Variants in NLRP7 observed in about 807,000 individuals in gnomAD.
NLRP7 encodes the protein NLR family pyrin domain containing 7.
Under a neutral mutation model 85.5 loss-of-function variants are expected in NLRP7, and 72 were observed. That is an observed-to-expected ratio of 0.84 (90% confidence interval 0.70 to 1.02). NLRP7 has a LOEUF of 1.02. Among genes scored for constraint, NLRP7 ranks in the 50% least tolerant of loss-of-function variants. NLRP7 has a pLI of 0.00. For synonymous variants in NLRP7, 550 were observed against 505.2 expected (o/e 1.09, Z -1.19); for missense variants, 1,243 against 1,219.5 (o/e 1.02, Z -0.29).
chr19:54,931,558 C>T (rs1369809235), intron 8 of NLRP7, among the ~76,000 whole-genome samples: 1 of 152,090 alleles, frequency 6.6e-6, no homozygotes, highest in East Asian at 1.9e-4. Context: ...TGTGGTGGCA[C>T]ATGCCTGTAA....
intron 1 of NLRP7, among the ~76,000 whole-genome samples, chr19:54,958,347 C>A (rs775839): frequency 4.4e-4 from 67 of 151,964 alleles, no homozygotes; most frequent in African/African-American, 1.5e-3. Context: ...ATAGCATTAA[C>A]AATAACTAGT....
intron 4 of NLRP7, among the ~76,000 whole-genome samples, chr19:54,938,503 C>A (rs2069043905): frequency 6.6e-6 from 1 of 152,130 alleles, no homozygotes; most frequent in Non-Finnish European, 1.5e-5. Flanking sequence ...GTGGGAAGAT[C>A]ACTTGAGCCC....
At chr19:54,939,922 G>A in exon 4 of NLRP7, 1 of 1,614,142 alleles carries the variant, frequency 6.2e-7, no homozygotes, top group Non-Finnish European at 8.5e-7. Context: ...GCCGCGTGGT[G>A]ACCAGCAAGG....
At position 54,941,625 on chromosome 19, in the gene NLRP7, T is replaced by C. The variant is rs775151444; in HGVS notation, c.87A>G (p.Leu29=). Reference sequence around the variant, plus strand: ...GCACGTCTTCGAGGGGAAAAGCCCATAAAAGGGATTTGAAACTCTTTAATT... The same window carrying C: ...GCACGTCTTCGAGGGGAAAAGCCCACAAAAGGGATTTGAAACTCTTTAATT... Residue 29 remains leucine (L), a synonymous_variant, in exon 2 of 10, where the codon TTA becomes TTG. Coordinates refer to ENST00000340844, the Ensembl canonical transcript of NLRP7. 2.5e-6 allele frequency: 4 copies of C among 1,613,906 alleles called. No homozygotes were observed. The African/African-American group carries it at 4.0e-5, about 16-fold the overall frequency.
At position 54,927,889 on chromosome 19, in the gene NLRP7, C is replaced by G; in HGVS notation, c.2810+2610G>C. The G allele has an allele frequency of 3.4e-6, 3 of 872,572 alleles. 1 individual carries two copies. The South Asian group carries it at 4.0e-5, about 12-fold the overall frequency. 54.1% of individuals were successfully genotyped at this position (872,572 alleles called of 1,614,324 possible). ...GGTGGATCACTTGAGGCCAGGTGTT[C>G]GAGACCAGCCTTGCCAACACGGTCA... On this transcript the variant is annotated intron_variant, in intron 9 of 9. Coordinates refer to ENST00000340844, the Ensembl canonical transcript of NLRP7.
intron 1 of NLRP7, among the ~76,000 whole-genome samples, chr19:54,952,555 C>T (rs1026754518): frequency 1.3e-5 from 2 of 151,080 alleles, no homozygotes; most frequent in South Asian, 2.1e-4. Context: ...GATCCTGCCA[C>T]TGCACTCCAG....
intron 8 of NLRP7, among the ~76,000 whole-genome samples, chr19:54,931,482 G>A (rs2068674746): frequency 1.3e-5 from 2 of 152,124 alleles, no homozygotes; most frequent in African/African-American, 4.8e-5. Context: ...CTGAGGTCGG[G>A]AGTTCAAGAC....
chr19:54,945,790 G>A (rs139107369), intron 1 of NLRP7, among the ~76,000 whole-genome samples: 8 of 150,100 alleles, frequency 5.3e-5, no homozygotes, highest in African/African-American at 1.7e-4. Context: ...GTAGAGACAG[G>A]GTTTCTTGTT....
chr19:54,937,551 T>C (rs114632545), intron 5 of NLRP7, among the ~76,000 whole-genome samples: 100 of 150,790 alleles, frequency 6.6e-4, no homozygotes, highest in African/African-American at 2.4e-3. Context: ...GATTAAGTCA[T>C]TGCACTCCAG....
intron 1 of NLRP7, among the ~76,000 whole-genome samples, chr19:54,946,644 CTTCT>C (rs1248710629): frequency 4.0e-5 from 6 of 150,614 alleles, no homozygotes; most frequent in Admixed American, 2.7e-4. Flanking sequence ...AAGGTCTGGC[CTTCT>C]TTGTTTTTTG....
At chr19:54,954,304 A>G (rs2069777068) in intron 1 of NLRP7, among the ~76,000 whole-genome samples, 1 of 147,634 alleles carries the variant, frequency 6.8e-6, no homozygotes, top group Non-Finnish European at 1.5e-5. Flanking sequence ...AGGCGGGTGG[A>G]TCATGAGGTC....
Position 54,939,533 on chromosome 19 carries a change from A to G in NLRP7, c.1286T>C (p.Val429Ala), listed in dbSNP as rs1457161194. 2.9e-5 allele frequency: 46 copies of G among 1,612,766 alleles called. 1 individual carries two copies. The highest frequency in any genetic ancestry group is 3.7e-5 in the Non-Finnish European group (44 of 1,179,596). ...CCTTTCCAGGTCCTCTCGGTGGAAC[A>G]CGGACATCTGCGCCCACAGGCCCTG... Residue 429 changes from valine to alanine, a missense_variant, in exon 4 of 10, where the codon GTG becomes GCG. Val to Ala is a moderately conservative substitution (Grantham distance 64, BLOSUM62 0). This residue lies in a region of NLRP7 where 591 missense variants were observed against 563.3 expected (regional missense o/e 1.05). Coordinates refer to ENST00000340844, the Ensembl canonical transcript of NLRP7.
Position 54,927,586 on chromosome 19 carries a change from CAAAACAAAAA to C in NLRP7, c.2810+2903_2810+2912del. The stretch of plus-strand genomic sequence containing the variant: ...AACAAAAACAAAAAACAAAACAAAA[CAAAACAAAAA>C]ACCCATACCTGAGTATCTTCAAGGA... On this transcript the variant is annotated intron_variant, in intron 9 of 9. Transcript: ENST00000340844. 6.2e-7 allele frequency: 1 copy of C among 1,612,586 alleles called. No individual in the cohort carries two copies. Among genetic ancestry groups the C allele is most frequent in the Non-Finnish European group, 8.5e-7 (1 of 1,179,192 alleles).
chr19:54,929,688 G>A (rs553845146), intron 9 of NLRP7, among the ~76,000 whole-genome samples: 1 of 152,226 alleles, frequency 6.6e-6, no homozygotes, highest in South Asian at 2.1e-4. Flanking sequence ...GGTCACTGGG[G>A]GCCATTGTTA....
chr19:54,958,585 C>A (rs1249775097), intron 1 of NLRP7, among the ~76,000 whole-genome samples: 2 of 151,918 alleles, frequency 1.3e-5, no homozygotes, highest in Non-Finnish European at 2.9e-5. Flanking sequence ...GCAAAGGTTG[C>A]AGTGAGTCAA....
intron 1 of NLRP7, among the ~76,000 whole-genome samples, chr19:54,965,790 C>CTTGT (rs1423485884): frequency 1.2e-5 from 1 of 84,814 alleles, no homozygotes; most frequent in African/African-American, 4.7e-5. Flanking sequence ...GTGGCGCATG[C>CTTGT]TTGTAATCTC....
chr19:54,953,772 G>A (rs1394014521), intron 1 of NLRP7, among the ~76,000 whole-genome samples: 1 of 151,892 alleles, frequency 6.6e-6, no homozygotes, highest in Non-Finnish European at 1.5e-5. Context: ...GGGGGCTGAG[G>A]CGGGTGGATC....
chr19:54,926,713 C>T (rs759160987), intron 9 of NLRP7, among the ~76,000 whole-genome samples: 19 of 151,852 alleles, frequency 1.3e-4, no homozygotes, highest in Non-Finnish European at 1.9e-4. Context: ...GTCAGGAGCT[C>T]GAGACCAGCC....
At chr19:54,957,496 C>T (rs2069898403) in intron 1 of NLRP7, among the ~76,000 whole-genome samples, 1 of 151,932 alleles carries the variant, frequency 6.6e-6, no homozygotes, top group Non-Finnish European at 1.5e-5. Context: ...CAGGCACACA[C>T]CACCACACCA....
Sources: gnomAD v4.1 joint callset for allele counts (sites outside exome capture counted in the v4.1 genomes callset) on GRCh38, gnomAD v4.1.1 for gene constraint, gnomAD v4.1.1 regional missense constraint, MANE v1.5 for transcripts, NCBI Gene and HGNC (gene_info 2026-07-23, HGNC 2026-07-21) for gene names.